The following SGCD variants were observed in gnomAD, a reference collection of about 807,000 sequenced individuals.
The protein encoded by SGCD is delta-sarcoglycan.
Under a neutral mutation model 36.6 loss-of-function variants are expected in SGCD, and 18 were observed. The observed-to-expected ratio is 0.49, with a 90% CI of 0.34 to 0.73. The LOEUF is 0.73. SGCD is among the 30% of genes least tolerant of loss of function. The pLI is 0.01. For missense variants in SGCD, 387 were observed against 346.7 expected (o/e 1.12, Z -0.92); for synonymous variants, 133 against 130.6 (o/e 1.02, Z -0.12).
chr5:156,206,643 C>A (rs1447825152), intron 3 of SGCD, among the ~76,000 whole-genome samples: 1 of 151,764 alleles, frequency 6.6e-6, no homozygotes, highest in South Asian at 2.1e-4. Context: ...AAAGTTTTAC[C>A]AAGGCAAGTA....
rs1355468852 is a variant in SGCD at position 156,368,674 on chromosome 5, G to C, written c.192+23997G>C. ...ACCTGAGCTCCATCTCCTGTCAAAA[G>C]CGTGGTGGCATTAGATTCTCACAGG... On this transcript the variant is annotated intron_variant, in intron 3 of 8. Coordinates refer to ENST00000337851, the MANE Select transcript of SGCD (RefSeq NM_000337.6). Among the ~76,000 whole-genome samples the C allele has an allele frequency of 2.0e-5, 3 of 152,092 alleles. No individual in the cohort carries two copies. The East Asian group carries it at 5.8e-4, about 29-fold the overall frequency.
intron 7 of SGCD, among the ~76,000 whole-genome samples, chr5:156,730,873 G>A (rs1756026115): frequency 6.6e-6 from 1 of 152,062 alleles, no homozygotes; most frequent in Non-Finnish European, 1.5e-5. Flanking sequence ...CAGTGTATAA[G>A]CATTCCTTTT....
intron 3 of SGCD, among the ~76,000 whole-genome samples, chr5:156,435,363 C>T (rs1561693649): frequency 6.6e-6 from 1 of 152,120 alleles, no homozygotes; most frequent in Non-Finnish European, 1.5e-5. Context: ...GCAGTATATT[C>T]CCCTGAGGAT....
the SGCD span, among the ~76,000 whole-genome samples, chr5:155,767,871 A>G: frequency 6.6e-6 from 1 of 152,080 alleles, no homozygotes; most frequent in African/African-American, 2.4e-5. Context: ...CCTTTGTGCT[A>G]TTATTTGTTT....
chr5:156,682,494 C>T (rs1467710854), intron 7 of SGCD, among the ~76,000 whole-genome samples: 1 of 152,184 alleles, frequency 6.6e-6, no homozygotes, highest in African/African-American at 2.4e-5. Context: ...TTTCACTTGA[C>T]CCCTGTTCTA....
the SGCD span, among the ~76,000 whole-genome samples, chr5:155,768,184 CTA>C: frequency 2.4e-3 from 368 of 151,888 alleles, 1 homozygote; most frequent in African/African-American, 8.5e-3. Flanking sequence ...TAGGAATTGT[CTA>C]TGTTATTCTC....
the SGCD span, among the ~76,000 whole-genome samples, chr5:155,735,222 G>A: frequency 6.6e-6 from 1 of 152,216 alleles, no homozygotes; most frequent in Admixed American, 6.5e-5. Context: ...TCTTCACATA[G>A]GCATGTAATG....
At chr5:156,439,359 C>T (rs1753386295) in intron 3 of SGCD, among the ~76,000 whole-genome samples, 1 of 152,126 alleles carries the variant, frequency 6.6e-6, no homozygotes, top group Admixed American at 6.6e-5. Flanking sequence ...ACCTGGATGG[C>T]AAACAAATAT....
At chr5:156,371,380 G>A (rs2127740002) in intron 3 of SGCD, among the ~76,000 whole-genome samples, 1 of 152,282 alleles carries the variant, frequency 6.6e-6, no homozygotes, top group South Asian at 2.1e-4. Flanking sequence ...ATTGATGAAG[G>A]AAACTCTGGG....
rs555548900 is a variant in SGCD at position 156,004,881 on chromosome 5, G to T, written c.-281-112997G>T. Among the ~76,000 whole-genome samples the T allele has an allele frequency of 2.2e-4, 34 of 152,174 alleles. 1 individual carries two copies. The highest frequency in any genetic ancestry group is 2.4e-4 in the Non-Finnish European group (16 of 68,032). On this transcript the variant is annotated intron_variant, in intron 1 of 9. Transcript: ENST00000517913. ...CTCGCCTCTGGTTCCAGGAGTGCACGGGGCTGGGAGGGCAACAGTGGCACA... is the reference window on the plus strand; with the variant it reads ...CTCGCCTCTGGTTCCAGGAGTGCACTGGGCTGGGAGGGCAACAGTGGCACA...
At chr5:156,478,801 G>A (rs1158922925) in intron 3 of SGCD, among the ~76,000 whole-genome samples, 4 of 152,032 alleles carry the variant, frequency 2.6e-5, no homozygotes, top group Non-Finnish European at 4.4e-5. Flanking sequence ...GGTTGGTCTC[G>A]AACTCCCAAC....
chr5:156,068,577 A>G (rs1366302615), intron 1 of SGCD, among the ~76,000 whole-genome samples: 5 of 151,866 alleles, frequency 3.3e-5, no homozygotes, highest in African/African-American at 9.7e-5. Context: ...GTGCCGCAGT[A>G]TACATATGTG....
intron 2 of SGCD, among the ~76,000 whole-genome samples, 181 bp from the exon 3 acceptor site, chr5:156,344,308 G>A (rs189206624): frequency 3.3e-5 from 5 of 152,308 alleles, no homozygotes; most frequent in African/African-American, 1.2e-4. Flanking sequence ...GAAGCCTCAA[G>A]CTAGCATCCA....
chr5:156,258,702 G>A (rs1765775160), intron 3 of SGCD, among the ~76,000 whole-genome samples: 1 of 152,038 alleles, frequency 6.6e-6, no homozygotes, highest in Non-Finnish European at 1.5e-5. Flanking sequence ...AAAGAGATTT[G>A]TAAAAATGCA....
chr5:156,703,335 T>A (rs941795296), intron 7 of SGCD, among the ~76,000 whole-genome samples: 1 of 152,062 alleles, frequency 6.6e-6, no homozygotes, highest in Admixed American at 6.5e-5. Flanking sequence ...TTCTGGAACA[T>A]GAAACATATG....
At chr5:156,524,256 A>C (rs528363858) in intron 4 of SGCD, among the ~76,000 whole-genome samples, 1 of 132,856 alleles carries the variant, frequency 7.5e-6, no homozygotes, top group Non-Finnish European at 1.6e-5. Flanking sequence ...TTATATATAA[A>C]ACTATAGTTT....
intron 1 of SGCD, among the ~76,000 whole-genome samples, chr5:156,011,992 T>TATATCTAAAAC (rs1435278591): frequency 6.6e-6 from 1 of 152,206 alleles, no homozygotes; most frequent in African/African-American, 2.4e-5. Flanking sequence ...CCCTCTAAAA[T>TATATCTAAAAC]ATATCTAAAA....
intron 1 of SGCD, among the ~76,000 whole-genome samples, chr5:156,114,381 C>G (rs539466932): frequency 6.6e-6 from 1 of 152,044 alleles, no homozygotes; most frequent in South Asian, 2.1e-4. Context: ...TCACGCAAGC[C>G]ACAACTCTTT....
At chr5:155,906,257 A>C (rs1339220917) in intron 1 of SGCD, among the ~76,000 whole-genome samples, 1 of 151,990 alleles carries the variant, frequency 6.6e-6, no homozygotes, top group Non-Finnish European at 1.5e-5. Context: ...TTCCCCTCTC[A>C]TTTCCTCTTC....
Sources: allele counts gnomAD v4.1 joint callset (sites outside exome capture counted in the v4.1 genomes callset), GRCh38; gene constraint gnomAD v4.1.1; transcripts MANE v1.5; gene names NCBI Gene and HGNC (gene_info 2026-07-23, HGNC 2026-07-21).